Variants in ENTPD1 observed in about 807,000 individuals in gnomAD.
ENTPD1 encodes the protein ATP diphosphohydrolase.
Under a neutral mutation model 57.0 loss-of-function variants are expected in ENTPD1, and 33 were observed. The observed-to-expected ratio is 0.58, with a 90% CI of 0.44 to 0.77. The LOEUF (loss-of-function observed/expected upper bound fraction) is 0.77. ENTPD1 is among the 30% of genes least tolerant of loss of function. The probability of loss-of-function intolerance (pLI) is 0.00; values close to 1 mark genes in which losing one functional copy is unlikely to be tolerated. For missense variants in ENTPD1, 501 were observed against 603.4 expected (o/e 0.83, Z 1.78); for synonymous variants, 202 against 218.8 (o/e 0.92, Z 0.68).
At chr10:95,842,900 C>T (rs1810578097) in intron 4 of ENTPD1, among the ~76,000 whole-genome samples, 1 of 152,156 alleles carries the variant, frequency 6.6e-6, no homozygotes. Context: ...TCACTTGATA[C>T]CTGTGTGAAT....
intron 2 of ENTPD1, among the ~76,000 whole-genome samples, chr10:95,830,390 G>A (rs1291731155): frequency 6.6e-6 from 1 of 152,220 alleles, no homozygotes; most frequent in East Asian, 1.9e-4. Flanking sequence ...TTAAACTGCA[G>A]TGGTGTTCAA....
chr10:95,764,575 C>T (rs2098080600), intron 1 of ENTPD1, among the ~76,000 whole-genome samples: 1 of 152,154 alleles, frequency 6.6e-6, no homozygotes. Context: ...TTATTATAGC[C>T]TTCCTAATGA....
chr10:95,809,217 G>A (rs865853246), intron 1 of ENTPD1, among the ~76,000 whole-genome samples: 57 of 152,250 alleles, frequency 3.7e-4, no homozygotes, highest in Admixed American at 6.5e-4. Context: ...ATCATGGCCC[G>A]TTCTCAATGA....
At position 95,876,698 on chromosome 10, in the gene ENTPD1, T is replaced by C; in HGVS notation, c.*10315T>C. The stretch of plus-strand genomic sequence containing the variant: ...ACAAACAAGTTATTTTAAAACTTAT[T>C]GGAATATTCAAATATTAACCAAAGT... On this transcript the variant is annotated 3_prime_UTR_variant, in exon 10 of 10. Transcript: ENST00000371205. The C allele has an allele frequency of 8.4e-7, 1 of 1,191,352 alleles. No homozygotes were observed. The highest frequency in any genetic ancestry group is 3.3e-5 in the East Asian group (1 of 30,448). 73.8% of individuals were successfully genotyped at this position (1,191,352 alleles called of 1,614,324 possible). A position where few individuals can be genotyped will look rare whatever the true frequency, so the allele number is the denominator to read the frequency against.
rs565056270 is a variant in ENTPD1 at position 95,723,118 on chromosome 10, C to T, written c.37+11125C>T. ...TGGTCTCAGTGTTTTCAGGCTGTTA[C>T]GCCCTTGTTTACACTGACAACAAGG... On this transcript the variant is annotated intron_variant, in intron 1 of 9. Transcript: ENST00000453258. Among the ~76,000 whole-genome samples, 56 of 152,284 alleles carry T rather than the reference C, an allele frequency of 3.7e-4. No homozygotes were observed. The South Asian group carries it at 7.7e-3, about 21-fold the overall frequency.
rs148186207 is a variant in ENTPD1 at position 95,727,825 on chromosome 10, A to T, written c.37+15832A>T. 9.8e-5 allele frequency among the ~76,000 whole-genome samples: 15 copies of T among 152,324 alleles called. No homozygotes were observed. In the East Asian group the frequency reaches 2.5e-3, roughly 25 times the overall value. On this transcript the variant is annotated intron_variant, in intron 1 of 9. Transcript: ENST00000453258. Reference sequence around the variant, plus strand: ...TGCTGCAATAATATCATCTACCTAAATGGTTACTCCTAGCAGTCTGATGCC... The same window carrying T: ...TGCTGCAATAATATCATCTACCTAATTGGTTACTCCTAGCAGTCTGATGCC...
intron 2 of ENTPD1, among the ~76,000 whole-genome samples, chr10:95,831,984 T>C (rs2098397994): frequency 6.6e-6 from 1 of 152,252 alleles, no homozygotes; most frequent in African/African-American, 2.4e-5. Flanking sequence ...AAATTTATTA[T>C]ACCCTTGTTT....
At chr10:95,802,017 A>G (rs1038047273) in intron 1 of ENTPD1, among the ~76,000 whole-genome samples, 1 of 152,074 alleles carries the variant, frequency 6.6e-6, no homozygotes, top group Admixed American at 6.6e-5. Flanking sequence ...ATTTATTCTG[A>G]TCCAAATGTG....
chr10:95,810,049 TCACTTCCCA>T, intron 1 of ENTPD1, among the ~76,000 whole-genome samples: 1 of 132,336 alleles, frequency 7.6e-6, no homozygotes, highest in Middle Eastern at 4.9e-3. Context: ...GAGGCACTCC[TCACTTCCCA>T]GACAGGGTCG....
chr10:95,715,457 G>C (rs2097970452), intron 1 of ENTPD1, among the ~76,000 whole-genome samples: 1 of 151,344 alleles, frequency 6.6e-6, no homozygotes, highest in Non-Finnish European at 1.5e-5. Context: ...GTTTCTTTTA[G>C]GCAACATGTA....
At position 95,862,445 on chromosome 10, in the gene ENTPD1, TAAC is replaced by T. The variant is rs1246348759; in HGVS notation, c.1188+1866_1188+1868del. 5.3e-5 allele frequency among the ~76,000 whole-genome samples: 8 copies of T among 152,206 alleles called. 1 individual carries two copies. The highest frequency in any genetic ancestry group is 2.6e-4 in the Admixed American group (4 of 15,282). Reference sequence around the variant, plus strand: ...TAAACACCTTTGGTAGAGAGATAATTAACAATGTTTAAGCATGTACTATGTGTT... The same window carrying T: ...TAAACACCTTTGGTAGAGAGATAATTAATGTTTAAGCATGTACTATGTGTT... On this transcript the variant is annotated intron_variant, in intron 8 of 9. Transcript: ENST00000371205.
intron 7 of ENTPD1, among the ~76,000 whole-genome samples, chr10:95,849,918 C>T (rs939525210): frequency 3.3e-5 from 5 of 152,130 alleles, no homozygotes; most frequent in Non-Finnish European, 5.9e-5. Context: ...CCAGTCACTG[C>T]GAGGATGTAA....
At chr10:95,715,151 AC>A (rs1936463839) in intron 1 of ENTPD1, among the ~76,000 whole-genome samples, 1 of 152,176 alleles carries the variant, frequency 6.6e-6, no homozygotes, top group Admixed American at 6.5e-5. Context: ...TGTGAACTTT[AC>A]TTAATCAGGA....
intron 1 of ENTPD1, among the ~76,000 whole-genome samples, chr10:95,806,549 C>T (rs1165301983): frequency 6.6e-6 from 1 of 152,218 alleles, no homozygotes; most frequent in Non-Finnish European, 1.5e-5. Context: ...AGCTGCAATC[C>T]TTTGGAGGAG....
In ENTPD1 at chr10:95,847,725, G is replaced by GAGGT; in HGVS notation, c.1074+21_1074+24dup. 1.2e-6 allele frequency: 2 copies of GAGGT among 1,614,136 alleles called. No homozygotes were observed. Among genetic ancestry groups the GAGGT allele is most frequent in the Non-Finnish European group, 1.7e-6 (2 of 1,180,018 alleles). Reference sequence around the variant, plus strand: ...TTTTGGGGTAAGTTTGTGAAATGATGAGGTATAGGATGTCTTGTTTACAAG... The same window carrying GAGGT: ...TTTTGGGGTAAGTTTGTGAAATGATGAGGTAGGTATAGGATGTCTTGTTTACAAG... On this transcript the variant is annotated intron_variant, in intron 7 of 9. Coordinates refer to ENST00000371205, the MANE Select transcript of ENTPD1 (RefSeq NM_001776.6).
chr10:95,836,443 A>T (rs1403549472), intron 2 of ENTPD1, among the ~76,000 whole-genome samples: 1 of 152,204 alleles, frequency 6.6e-6, no homozygotes, highest in Non-Finnish European at 1.5e-5. Context: ...AATCTTAAAC[A>T]TCTTTTTTTA....
intron 1 of ENTPD1, among the ~76,000 whole-genome samples, chr10:95,811,294 T>A (rs560086658): frequency 5.7e-4 from 87 of 152,342 alleles, no homozygotes; most frequent in African/African-American, 1.9e-3. Context: ...CTGCTTGAGT[T>A]AATCAGGTTG....
intron 2 of ENTPD1, chr10:95,833,459 C>T (rs2098402218): frequency 1.3e-5 from 2 of 152,134 alleles, no homozygotes; most frequent in Admixed American, 1.3e-4. Context: ...GAGTCTTACT[C>T]AAAATTATAA....
In ENTPD1 at chr10:95,866,641, A is replaced by C; in HGVS notation, c.*258A>C. On this transcript the variant is annotated 3_prime_UTR_variant, in exon 10 of 10. Transcript: ENST00000371205. ...TCTCCTTTGTACTTTGTGCTTGTAT[A>C]GGTTTTAAAGACCTGACACCTTTCA... The C allele has an allele frequency of 7.6e-7, 1 of 1,320,782 alleles. No individual in the cohort carries two copies. Among genetic ancestry groups the C allele is most frequent in the South Asian group, 1.6e-5 (1 of 64,272 alleles). 81.8% of individuals were successfully genotyped at this position (1,320,782 alleles called of 1,614,324 possible). A position where few individuals can be genotyped will look rare whatever the true frequency, so the allele number is the denominator to read the frequency against.
Sources: gnomAD v4.1 joint callset for allele counts (sites outside exome capture counted in the v4.1 genomes callset) on GRCh38, gnomAD v4.1.1 for gene constraint, MANE v1.5 for transcripts, NCBI Gene and HGNC (gene_info 2026-07-23, HGNC 2026-07-21) for gene names.